RAD54B: variants seen among roughly 807,000 people sequenced by gnomAD.
RAD54B encodes DNA repair and recombination protein RAD54B.
In RAD54B, 78 loss-of-function variants were observed where a neutral mutation model predicts 95.8. The observed-to-expected ratio is 0.81, with a 90% CI of 0.68 to 0.98. The LOEUF is 0.98. Among genes scored for constraint, RAD54B ranks in the 50% least tolerant of loss-of-function variants. The pLI, the probability that RAD54B is intolerant of heterozygous loss-of-function variation, is 0.00. For synonymous variants in RAD54B, 328 were observed against 354.9 expected, an observed-to-expected ratio of 0.92 and a Z score of 0.85; for missense variants, 957 against 1,056.6, an observed-to-expected ratio of 0.91 and a Z score of 1.31.
chr8:94,378,038 A>G, intron 14 of RAD54B, 142 bp downstream of exon 14: 1 of 485,708 alleles, frequency 2.1e-6, no homozygotes, highest in East Asian at 3.8e-5. Context: ...TCTATCTGGC[A>G]GCTGCCCTAT....
At position 94,372,366 on chromosome 8, in the gene RAD54B, A is replaced by G. The variant is rs937584896; in HGVS notation, c.2537T>C (p.Ile846Thr). 6.2e-7 allele frequency: 1 copy of G among 1,612,900 alleles called. No individual in the cohort carries two copies. Among genetic ancestry groups the G allele is most frequent in the African/African-American group, 1.3e-5 (1 of 74,872 alleles). ...VHTGDSLEKFIVSRDCQLGPH... is the reference protein window; with the variant it reads ...VHTGDSLEKFTVSRDCQLGPH... ...ACCAAGCTGACAATCTCTAGAGACAATGAATTTTTCCAACGAATCACCTGT... is the reference window on the plus strand; with the variant it reads ...ACCAAGCTGACAATCTCTAGAGACAGTGAATTTTTCCAACGAATCACCTGT... The change falls in exon 15 of 15, where the codon ATT (isoleucine) becomes ACT (threonine). Residue 846 changes from isoleucine to threonine, a missense_variant. Coordinates refer to ENST00000336148, the MANE Select transcript of RAD54B (RefSeq NM_012415.3).
At chr8:94,473,225 G>A (rs1477599967) in intron 1 of RAD54B, among the ~76,000 whole-genome samples, 1 of 152,164 alleles carries the variant, frequency 6.6e-6, no homozygotes. Context: ...TGGTAGCCCT[G>A]ATGTGATGCT....
chr8:94,386,927 G>C, intron 11 of RAD54B, 57 bp downstream of exon 11: 8 of 1,246,496 alleles, frequency 6.4e-6, no homozygotes, highest in Non-Finnish European at 8.6e-6. Context: ...AGGAAGTAAA[G>C]AAATAGTGCA....
intron 3 of RAD54B, chr8:94,429,047 T>C (rs1812016494): frequency 2.0e-6 from 2 of 985,118 alleles, no homozygotes; most frequent in Non-Finnish European, 1.2e-6. Flanking sequence ...ATTTAAACTT[T>C]TGCAAATTAA....
chr8:94,425,078 A>AAAAAG (rs1811911357), intron 3 of RAD54B, among the ~76,000 whole-genome samples: 1 of 150,496 alleles, frequency 6.6e-6, no homozygotes, highest in African/African-American at 2.4e-5. Context: ...AAAAAAAAAA[A>AAAAAG]AAATTCATAA....
At chr8:94,382,046 G>A (rs1445407191) in intron 11 of RAD54B, among the ~76,000 whole-genome samples, 15 of 151,326 alleles carry the variant, frequency 9.9e-5, no homozygotes, top group African/African-American at 2.7e-4. Context: ...CCTGGGAGGC[G>A]GAGCTTGCAG....
chr8:94,418,360 G>C (rs1187567130), intron 3 of RAD54B, among the ~76,000 whole-genome samples: 1 of 152,162 alleles, frequency 6.6e-6, no homozygotes, highest in African/African-American at 2.4e-5. Context: ...ACGAAAGGTT[G>C]TATCAATGAT....
chr8:94,401,767 G>A (rs916637371), intron 6 of RAD54B, among the ~76,000 whole-genome samples: 3 of 152,028 alleles, frequency 2.0e-5, no homozygotes, highest in East Asian at 1.9e-4. Flanking sequence ...CATAAATTAC[G>A]GCTACTATTT....
chr8:94,386,596 AT>A (rs1810896240), intron 11 of RAD54B, among the ~76,000 whole-genome samples: 3 of 58,062 alleles, frequency 5.2e-5, no homozygotes, highest in African/African-American at 1.7e-4. Context: ...GTGTGTGTGC[AT>A]GTGTGTGTGC....
At chr8:94,435,208 T>C (rs551347435) in intron 3 of RAD54B, among the ~76,000 whole-genome samples, 1 of 152,170 alleles carries the variant, frequency 6.6e-6, no homozygotes, top group African/African-American at 2.4e-5. Context: ...ATTTCATCAT[T>C]TGTCATCACA....
intron 3 of RAD54B, among the ~76,000 whole-genome samples, chr8:94,441,871 G>C (rs1812406173): frequency 6.6e-6 from 1 of 152,126 alleles, no homozygotes; most frequent in South Asian, 2.1e-4. Context: ...TTGTATACCA[G>C]GGAAACGGGG....
Position 94,400,464 on chromosome 8 carries a change from C to G in RAD54B, c.945-1G>C. ...AATAGCTCCACATCTGCCATTCATT[C>G]TGTTAGAAATAATTTTACTTCCTTT... On this transcript the variant is annotated splice_acceptor_variant, in intron 6 of 14. Transcript: ENST00000336148. LOFTEE classifies it high-confidence loss of function. The G allele has an allele frequency of 6.3e-7, 1 of 1,597,998 alleles. No homozygotes were observed. Among genetic ancestry groups the G allele is most frequent in the East Asian group, 2.2e-5 (1 of 44,516 alleles).
At chr8:94,415,831 C>G (rs1462684693) in intron 3 of RAD54B, among the ~76,000 whole-genome samples, 1 of 150,418 alleles carries the variant, frequency 6.6e-6, no homozygotes, top group Non-Finnish European at 1.5e-5. Context: ...CCATCTCACA[C>G]CAGTTAGAAT....
chr8:94,406,571 G>A (rs773454271), intron 5 of RAD54B, among the ~76,000 whole-genome samples: 3 of 152,168 alleles, frequency 2.0e-5, no homozygotes, highest in Non-Finnish European at 4.4e-5. Context: ...AGGTAAGTCG[G>A]TTCATCTTCC....
intron 3 of RAD54B, among the ~76,000 whole-genome samples, chr8:94,451,567 T>C (rs929480206): frequency 1.3e-5 from 2 of 152,202 alleles, no homozygotes; most frequent in African/African-American, 2.4e-5. Context: ...CTGACACCAA[T>C]TTATCCAAAT....
At chr8:94,440,695 C>T (rs1812377676) in intron 3 of RAD54B, among the ~76,000 whole-genome samples, 1 of 152,082 alleles carries the variant, frequency 6.6e-6, no homozygotes. Flanking sequence ...GGGAGTTTCT[C>T]CCCACACACC....
intron 3 of RAD54B, among the ~76,000 whole-genome samples, chr8:94,442,467 C>A (rs949412551): frequency 6.6e-6 from 1 of 150,796 alleles, no homozygotes; most frequent in African/African-American, 2.4e-5. Context: ...CCCAGCTACT[C>A]GGGAGGCTGA....
intron 3 of RAD54B, among the ~76,000 whole-genome samples, chr8:94,443,958 CTG>C (rs951301413): frequency 2.6e-5 from 4 of 151,832 alleles, no homozygotes; most frequent in African/African-American, 7.3e-5. Context: ...TAAAAATAAA[CTG>C]TAAAAATAAA....
chr8:94,403,963 A>T lies in RAD54B; in HGVS notation c.944+114T>A, dbSNP rs1016352542. ...CTATTCACCTTTCCTACCAATTGAA[A>T]TTCATAGTGTACCCTCAGGACTCAT... On this transcript the variant is annotated intron_variant, in intron 6 of 14. Transcript: ENST00000336148. The T allele has an allele frequency of 5.9e-6, 5 of 846,886 alleles. No individual in the cohort carries two copies. In the African/African-American group the frequency reaches 8.8e-5, roughly 15 times the overall value. The allele number at this position is 846,886 out of a possible 1,614,324, so 52.5% of individuals were successfully genotyped here. A position where few individuals can be genotyped will look rare whatever the true frequency, so the allele number is the denominator to read the frequency against.
Sources: gnomAD v4.1 joint callset for allele counts (sites outside exome capture counted in the v4.1 genomes callset) on GRCh38, gnomAD v4.1.1 for gene constraint, MANE v1.5 for transcripts, NCBI Gene and HGNC (gene_info 2026-07-23, HGNC 2026-07-21) for gene names.